DIAPH3: variants seen among roughly 807,000 people sequenced by gnomAD.
The protein encoded by DIAPH3 is diaphanous related formin 3, also known as protein diaphanous homolog 3.
In DIAPH3, 117 loss-of-function variants were observed where a neutral mutation model predicts 144.3. That is an observed-to-expected ratio of 0.81 (90% CI 0.70 to 0.95). The LOEUF (loss-of-function observed/expected upper bound fraction) is 0.95, where lower values mean the gene tolerates loss of function less well. Among genes scored for constraint, DIAPH3 ranks in the 40% least tolerant of loss-of-function variants. The pLI is 0.00. For synonymous variants in DIAPH3, 519 were observed against 488.9 expected, an observed-to-expected ratio of 1.06 and a Z score of -0.81; for missense variants, 1,421 against 1,412.7, an observed-to-expected ratio of 1.01 and a Z score of -0.09.
At chr13:59,928,174 G>A (rs2047846590) in intron 17 of DIAPH3, among the ~76,000 whole-genome samples, 1 of 152,004 alleles carries the variant, frequency 6.6e-6, no homozygotes, top group Admixed American at 6.6e-5. Flanking sequence ...ACTGATGAAG[G>A]TCTTGATTAT....
intron 9 of DIAPH3, among the ~76,000 whole-genome samples, chr13:60,004,724 C>CT (rs1289217417): frequency 2.0e-5 from 3 of 152,060 alleles, no homozygotes; most frequent in African/African-American, 7.2e-5. Context: ...AAATTAAGCT[C>CT]TAAGAACTAT....
At chr13:60,113,744 T>C (rs1030731921) in intron 2 of DIAPH3, among the ~76,000 whole-genome samples, 1 of 151,802 alleles carries the variant, frequency 6.6e-6, no homozygotes, top group Non-Finnish European at 1.5e-5. Flanking sequence ...TGACAAACAG[T>C]TGAGGAAGAA....
chr13:59,989,844 A>G (rs1047043987), intron 12 of DIAPH3, among the ~76,000 whole-genome samples: 1 of 151,908 alleles, frequency 6.6e-6, no homozygotes, highest in African/African-American at 2.4e-5. Flanking sequence ...AGGCATGTTC[A>G]AACCATTGAA....
intron 20 of DIAPH3, among the ~76,000 whole-genome samples, chr13:59,903,731 A>G (rs2046578696): frequency 6.6e-6 from 1 of 152,252 alleles, no homozygotes; most frequent in African/African-American, 2.4e-5. Context: ...CAAAAAAATC[A>G]AAAATACTCA....
chr13:60,053,235 G>A (rs1465908717), intron 4 of DIAPH3, among the ~76,000 whole-genome samples: 15 of 151,900 alleles, frequency 9.9e-5, no homozygotes, highest in Admixed American at 9.8e-4. Context: ...CGGGGAGGAA[G>A]GAAAGGATAC....
intron 27 of DIAPH3, among the ~76,000 whole-genome samples, chr13:59,757,328 A>C (rs1593767156): frequency 1.8e-5 from 1 of 57,046 alleles, no homozygotes; most frequent in South Asian, 6.5e-4. Flanking sequence ...ATATAATGGT[A>C]AAAAAAAATT....
intron 25 of DIAPH3, among the ~76,000 whole-genome samples, chr13:59,802,009 G>C (rs1248405137): frequency 2.0e-5 from 3 of 151,538 alleles, no homozygotes; most frequent in Non-Finnish European, 2.9e-5. Context: ...CAACCTTCAC[G>C]ACCAAGTTCA....
intron 2 of DIAPH3, among the ~76,000 whole-genome samples, chr13:60,117,005 G>C (rs2058720529): frequency 6.6e-6 from 1 of 151,938 alleles, no homozygotes; most frequent in Non-Finnish European, 1.5e-5. Context: ...AAACACTTTT[G>C]TACCTAACGA....
At position 60,156,951 on chromosome 13, in the gene DIAPH3, T is replaced by A. The variant is rs1475842386; in HGVS notation, c.180+6636A>T. Among the ~76,000 whole-genome samples, 513 of 65,946 alleles carry A rather than the reference T, an allele frequency of 7.8e-3. 14 individuals carry two copies. Among genetic ancestry groups the A allele is most frequent in the South Asian group, 0.049 (96 of 1,962 alleles). The allele number at this position is 65,946 out of a possible 152,430, so 43.3% of individuals were successfully genotyped here. On this transcript the variant is annotated intron_variant, in intron 1 of 27. Transcript: ENST00000400324. ...TATATATATATATATTTTTTTTTTTTTTTTTTTTGAGACAGAGGAGTCTCA... is the reference window on the plus strand; with the variant it reads ...TATATATATATATATTTTTTTTTTTATTTTTTTTGAGACAGAGGAGTCTCA...
At chr13:59,772,616 A>G (rs1379556877) in intron 27 of DIAPH3, among the ~76,000 whole-genome samples, 1 of 152,070 alleles carries the variant, frequency 6.6e-6, no homozygotes, top group African/African-American at 2.4e-5. Flanking sequence ...CACTTTACTA[A>G]TATTATAGTC....
At chr13:59,926,808 A>G (rs542346855) in intron 17 of DIAPH3, among the ~76,000 whole-genome samples, 1 of 152,206 alleles carries the variant, frequency 6.6e-6, no homozygotes, top group Non-Finnish European at 1.5e-5. Flanking sequence ...TTGTGCACCT[A>G]CTGGATGCTA....
At chr13:60,060,665 T>C (rs919832570) in intron 4 of DIAPH3, among the ~76,000 whole-genome samples, 9 of 152,150 alleles carry the variant, frequency 5.9e-5, no homozygotes, top group Admixed American at 1.3e-4. Flanking sequence ...ACGCCTTTTA[T>C]ATTTCCCAGA....
intron 1 of DIAPH3, among the ~76,000 whole-genome samples, chr13:60,134,322 G>A (rs899338331): frequency 1.3e-5 from 2 of 152,210 alleles, no homozygotes; most frequent in African/African-American, 4.8e-5. Context: ...CCAGGCTATA[G>A]AATTTGCTTT....
intron 17 of DIAPH3, among the ~76,000 whole-genome samples, chr13:59,966,944 C>T (rs142041073): frequency 7.2e-4 from 110 of 152,288 alleles, no homozygotes; most frequent in African/African-American, 2.5e-3. Context: ...GCAGCCAATG[C>T]CTCTACCTCC....
intron 18 of DIAPH3, among the ~76,000 whole-genome samples, chr13:59,921,889 G>C (rs1016271607): frequency 6.6e-6 from 1 of 151,934 alleles, no homozygotes; most frequent in Admixed American, 6.6e-5. Context: ...AGAGATGCAA[G>C]GATGGTTCAA....
At chr13:60,027,276 G>T (rs111515024) in intron 5 of DIAPH3, among the ~76,000 whole-genome samples, 4 of 152,224 alleles carry the variant, frequency 2.6e-5, no homozygotes, top group South Asian at 2.1e-4. Context: ...ACAGAGCAAG[G>T]CTGGGAATTC....
intron 4 of DIAPH3, among the ~76,000 whole-genome samples, chr13:60,054,095 T>C (rs1191321600): frequency 2.6e-5 from 4 of 152,052 alleles, no homozygotes; most frequent in African/African-American, 9.7e-5. Context: ...ACCTTATTTC[T>C]CCCAGATAGT....
intron 22 of DIAPH3, among the ~76,000 whole-genome samples, chr13:59,845,135 T>C (rs193099035): frequency 6.6e-6 from 1 of 150,474 alleles, no homozygotes; most frequent in East Asian, 2.0e-4. Context: ...AAACTCCGCC[T>C]CCTGGGTTCA....
intron 2 of DIAPH3, among the ~76,000 whole-genome samples, chr13:60,123,885 T>C (rs1174570870): frequency 6.6e-6 from 1 of 152,250 alleles, no homozygotes; most frequent in African/African-American, 2.4e-5. Context: ...TCTTAAATAA[T>C]TCTAGGTTGA....
Sources: allele counts gnomAD v4.1 joint callset (sites outside exome capture counted in the v4.1 genomes callset), GRCh38; gene constraint gnomAD v4.1.1; transcripts MANE v1.5; gene names NCBI Gene and HGNC (gene_info 2026-07-23, HGNC 2026-07-21).